GPRC5A: variants seen among roughly 807,000 people sequenced by gnomAD.
GPRC5A encodes the protein retinoic acid-induced protein 3.
GPRC5A carries 19 observed loss-of-function variants against 22.5 expected under a neutral mutation model. The observed-to-expected ratio is 0.85, with a 90% CI of 0.59 to 1.24. The LOEUF (loss-of-function observed/expected upper bound fraction) is 1.24, where lower values mean the gene tolerates loss of function less well. GPRC5A is among the 50% of genes most tolerant of loss of function. The probability of loss-of-function intolerance (pLI) is 0.00; values close to 1 mark genes in which losing one functional copy is unlikely to be tolerated. For missense variants in GPRC5A, 471 were observed against 451.1 expected (o/e 1.04, Z -0.40); for synonymous variants, 192 against 184.5 (o/e 1.04, Z -0.33).
At chr12:12,895,859 G>C (rs537273199) in intron 1 of GPRC5A, among the ~76,000 whole-genome samples, 2 of 149,156 alleles carry the variant, frequency 1.3e-5, no homozygotes, top group Non-Finnish European at 3.0e-5. Flanking sequence ...CGGGCGTGGT[G>C]GTGGGTGCCT....
chr12:12,916,385 G>T lies in GPRC5A; in HGVS notation c.*3846G>T, dbSNP rs1864064357. 1 of 152,254 alleles carries T rather than the reference G, an allele frequency of 6.6e-6. No individual in the cohort carries two copies. The highest frequency in any genetic ancestry group is 1.5e-5 in the Non-Finnish European group (1 of 68,066). 9.4% of individuals were successfully genotyped at this position (152,254 alleles called of 1,614,324 possible). A position where few individuals can be genotyped will look rare whatever the true frequency, so the allele number is the denominator to read the frequency against. ...TTTTAGGCTGAGGCCGTCCAAAGCG[G>T]CCATGCCCCATGTTTCCACTAGATG... On this transcript the variant is annotated 3_prime_UTR_variant, in exon 4 of 4. Coordinates refer to ENST00000014914, the MANE Select transcript of GPRC5A (RefSeq NM_003979.4).
chr12:12,907,144 G>T (rs953968027), intron 1 of GPRC5A, among the ~76,000 whole-genome samples: 2 of 151,842 alleles, frequency 1.3e-5, no homozygotes, highest in Admixed American at 1.3e-4. Context: ...GGACCCAGCC[G>T]CTGGCTCAGA....
rs747466853 is a variant in GPRC5A, at chr12:12,915,811, C to T, written c.*3272C>T. ...GATTACAGGCATGAGCCACCGCGCC[C>T]GGCCCCGTTGTTTCCCTTCTAAGAA... On this transcript the variant is annotated 3_prime_UTR_variant, in exon 4 of 4. Transcript: ENST00000014914. 3.7e-5 allele frequency: 19 copies of T among 510,922 alleles called. No homozygotes were observed. Among genetic ancestry groups the T allele is most frequent in the Admixed American group, 1.8e-4 (9 of 49,712 alleles). The allele number at this position is 510,922 out of a possible 1,614,324, so 31.6% of individuals were successfully genotyped here.
chr12:12,900,200 AC>A lies in GPRC5A; in HGVS notation c.-7-8041del, dbSNP rs1217457878. Among the ~76,000 whole-genome samples the A allele has an allele frequency of 3.9e-5, 6 of 152,076 alleles. No individual in the cohort carries two copies. In the East Asian group the frequency reaches 1.2e-3, roughly 29 times the overall value. Reference sequence around the variant, plus strand: ...TCTCTTCTTCAGACCCTTCAACCTTACCTCTAGCCCTGGCTTTTAGTTTGGG... The same window carrying A: ...TCTCTTCTTCAGACCCTTCAACCTTACTCTAGCCCTGGCTTTTAGTTTGGG... On this transcript the variant is annotated intron_variant, in intron 1 of 3. Transcript: ENST00000014914.
intron 1 of GPRC5A, among the ~76,000 whole-genome samples, chr12:12,901,450 C>G (rs536879730): frequency 6.6e-6 from 1 of 152,164 alleles, no homozygotes; most frequent in South Asian, 2.1e-4. Context: ...TGAGAGGAAA[C>G]CAGGCACAGC....
intron 1 of GPRC5A, among the ~76,000 whole-genome samples, chr12:12,893,503 G>T (rs1863786480): frequency 6.6e-6 from 1 of 152,152 alleles, no homozygotes; most frequent in Admixed American, 6.5e-5. Flanking sequence ...CAGGGTGTTT[G>T]CTTCTTTTAT....
In GPRC5A at chr12:12,914,513, C is replaced by G. The variant is rs565356647; in HGVS notation, c.*1974C>G. 2 of 151,514 alleles carry G rather than the reference C, an allele frequency of 1.3e-5. No homozygotes were observed. The highest frequency in any genetic ancestry group is 4.2e-4 in the South Asian group (2 of 4,782). The allele number at this position is 151,514 out of a possible 1,614,324, so 9.4% of individuals were successfully genotyped here. On this transcript the variant is annotated 3_prime_UTR_variant, in exon 4 of 4. Coordinates refer to ENST00000014914, the MANE Select transcript of GPRC5A (RefSeq NM_003979.4). ...GACTCAAGAAATGCATATTCCCCCC[C>G]CACTTTCTTTCTCTCTTTCCTTCCT...
At chr12:12,896,560 T>A in intron 1 of GPRC5A, among the ~76,000 whole-genome samples, 1 of 152,200 alleles carries the variant, frequency 6.6e-6, no homozygotes, top group East Asian at 1.9e-4. Context: ...CAGCACATAT[T>A]CATCTCCAAA....
At position 12,908,308 on chromosome 12, in the gene GPRC5A, T is replaced by C. The variant is rs142795131; in HGVS notation, c.59T>C (p.Leu20Pro). Residue 20 changes from leucine to proline, a missense_variant, in exon 2 of 4, where the codon CTT becomes CCT. Leu to Pro is a moderately conservative substitution (Grantham distance 98, BLOSUM62 -3). Transcript: ENST00000014914. ...GGCCTGAAATCCAAGTACTACAGAC[T>C]TTGTGATAAGGCTGAAGCTTGGGGC... The part of the protein sequence containing the change: ...RNGLKSKYYR[L>P]CDKAEAWGIV... 1.9e-6 allele frequency: 3 copies of C among 1,612,870 alleles called. No homozygotes were observed. Among genetic ancestry groups the C allele is most frequent in the Non-Finnish European group, 2.5e-6 (3 of 1,179,440 alleles).
At position 12,908,364 on chromosome 12, in the gene GPRC5A, G is replaced by A. The variant is rs760730235; in HGVS notation, c.115G>A (p.Val39Ile). The change falls in exon 2 of 4, where the codon GTT (valine) becomes ATT (isoleucine). Residue 39 changes from valine to isoleucine, a missense_variant. By Grantham distance (29) the Val-to-Ile change is conservative. Coordinates refer to ENST00000014914, the MANE Select transcript of GPRC5A (RefSeq NM_003979.4). ...CCTAGAAACGGTGGCCACAGCCGGG[G>A]TTGTGACCTCGGTGGCCTTCATGCT... ...IVLETVATAGVVTSVAFMLTL... is the reference protein window; with the variant it reads ...IVLETVATAGIVTSVAFMLTL... 1.2e-6 allele frequency: 2 copies of A among 1,614,042 alleles called. No individual in the cohort carries two copies. The highest frequency in any genetic ancestry group is 1.3e-5 in the African/African-American group (1 of 74,932).
rs547271308 is a variant in GPRC5A at position 12,917,241 on chromosome 12, TGTGTGTGTGTGCGTGC to T, written c.*4706_*4721del. ...GTGTGTGTGTGTGTGTGTGTGTGTG[TGTGTGTGTGTGCGTGC>T]GTGCGTGTATGTGCGCCTGACCCTG... On this transcript the variant is annotated 3_prime_UTR_variant, in exon 4 of 4. Coordinates refer to ENST00000014914, the MANE Select transcript of GPRC5A (RefSeq NM_003979.4). 0.03 allele frequency: 3,785 copies of T among 124,352 alleles called. 97 individuals carry two copies. The highest frequency in any genetic ancestry group is 0.069 in the Admixed American group (758 of 11,046). The allele number at this position is 124,352 out of a possible 1,614,324, so 7.7% of individuals were successfully genotyped here. A position where few individuals can be genotyped will look rare whatever the true frequency, so the allele number is the denominator to read the frequency against.
Position 12,894,772 on chromosome 12 carries a change from G to GTTTTTTT in GPRC5A, c.-8+3126_-8+3132dup, listed in dbSNP as rs56794431. Among the ~76,000 whole-genome samples the GTTTTTTT allele has an allele frequency of 2.5e-3, 168 of 67,464 alleles. 22 individuals are homozygous for GTTTTTTT. The highest frequency in any genetic ancestry group is 3.6e-3 in the Admixed American group (14 of 3,876). 44.3% of individuals were successfully genotyped at this position (67,464 alleles called of 152,430 possible). On this transcript the variant is annotated intron_variant, in intron 1 of 3. Coordinates refer to ENST00000014914, the MANE Select transcript of GPRC5A (RefSeq NM_003979.4). The stretch of plus-strand genomic sequence containing the variant: ...AGTTGGTGCATAAAAGTCTAGGATG[G>GTTTTTTT]TTTTTTTTTTTTTTTTTTTTTTTTG...
At chr12:12,904,152 T>G (rs1200962894) in intron 1 of GPRC5A, among the ~76,000 whole-genome samples, 1 of 152,038 alleles carries the variant, frequency 6.6e-6, no homozygotes, top group Admixed American at 6.5e-5. Flanking sequence ...CTCGCCGCCC[T>G]TGAAGGAAAT....
rs539638781 is a variant in GPRC5A, at chr12:12,901,666, T to C, written c.-7-6577T>C. ...TTTGAGTCTAGAGGGAGACACAGAC[T>C]TACTGACAGGCTGGGTTGTGTAATA... On this transcript the variant is annotated intron_variant, in intron 1 of 3. Coordinates refer to ENST00000014914, the MANE Select transcript of GPRC5A (RefSeq NM_003979.4). 1.6e-3 allele frequency among the ~76,000 whole-genome samples: 240 copies of C among 151,726 alleles called. 1 individual carries two copies. The highest frequency in any genetic ancestry group is 2.6e-3 in the Non-Finnish European group (180 of 67,956).
In GPRC5A at chr12:12,912,072, C is replaced by A; in HGVS notation, c.923-12C>A. On this transcript the variant is annotated splice_polypyrimidine_tract_variant and intron_variant, in intron 2 of 3. Transcript: ENST00000014914. ...CCCCAGTGGTTTAATTTCTCCTGTTCCTCCATTTCAGGTTTTGAAGAGACA... is the reference window on the plus strand; with the variant it reads ...CCCCAGTGGTTTAATTTCTCCTGTTACTCCATTTCAGGTTTTGAAGAGACA... The A allele has an allele frequency of 6.2e-7, 1 of 1,601,590 alleles. No homozygotes were observed. Among genetic ancestry groups the A allele is most frequent in the Non-Finnish European group, 8.6e-7 (1 of 1,169,010 alleles).
intron 1 of GPRC5A, among the ~76,000 whole-genome samples, chr12:12,903,147 A>C (rs141545766): frequency 6.6e-6 from 1 of 152,226 alleles, no homozygotes; most frequent in South Asian, 2.1e-4. Context: ...TTGCTTAAAA[A>C]TAGTCTAGGG....
At chr12:12,910,872 C>CTT (rs570784800) in intron 2 of GPRC5A, among the ~76,000 whole-genome samples, 118 of 139,434 alleles carry the variant, frequency 8.5e-4, no homozygotes, top group Middle Eastern at 3.6e-3. Context: ...CCATCTCTCT[C>CTT]TTTTTTTTTT....
At chr12:12,899,719 C>T (rs1026855860) in intron 1 of GPRC5A, among the ~76,000 whole-genome samples, 1 of 152,202 alleles carries the variant, frequency 6.6e-6, no homozygotes, top group African/African-American at 2.4e-5. Context: ...CTCATAATTA[C>T]ATCATGACTG....
intron 2 of GPRC5A, chr12:12,909,397 G>A: frequency 2.1e-6 from 1 of 475,272 alleles, no homozygotes; most frequent in Non-Finnish European, 3.7e-6. Flanking sequence ...TGTACAATTG[G>A]TGTAGACTGG....
Sources: gnomAD v4.1 joint callset for allele counts (sites outside exome capture counted in the v4.1 genomes callset) on GRCh38, gnomAD v4.1.1 for gene constraint, MANE v1.5 for transcripts, NCBI Gene and HGNC (gene_info 2026-07-23, HGNC 2026-07-21) for gene names.